Variants in PLXNA4 observed in about 807,000 individuals in gnomAD.
PLXNA4 encodes plexin A4, also known as plexin-A4.
PLXNA4 carries 44 observed loss-of-function variants against 191.8 expected under a neutral mutation model. The ratio of observed to expected loss-of-function variants is 0.23; its 90% CI spans 0.18 to 0.29. The LOEUF (loss-of-function observed/expected upper bound fraction) is 0.29, where lower values mean the gene tolerates loss of function less well. Among genes scored for constraint, PLXNA4 ranks in the 10% least tolerant of loss-of-function variants. PLXNA4 has a pLI of 1.00. For missense variants in PLXNA4, 1,800 were observed against 2,488.8 expected, an observed-to-expected ratio of 0.72 and a Z score of 5.89; for synonymous variants, 1,082 against 1,009.5, an observed-to-expected ratio of 1.07 and a Z score of -1.36.
chr7:132,484,837 A>G (rs1417172391), intron 3 of PLXNA4: 1 of 1,614,074 alleles, frequency 6.2e-7, no homozygotes, highest in Non-Finnish European at 8.5e-7. Flanking sequence ...TCCCAGGTAC[A>G]TTTAGGAAGC....
chr7:132,338,968 C>T (rs1203241139), intron 3 of PLXNA4, among the ~76,000 whole-genome samples: 1 of 152,122 alleles, frequency 6.6e-6, no homozygotes, highest in Non-Finnish European at 1.5e-5. Context: ...GCACTGTTTT[C>T]CATGACAATT....
At chr7:132,181,692 G>A in intron 17 of PLXNA4, 72 bp from the exon 18 acceptor site, 2 of 1,575,368 alleles carry the variant, frequency 1.3e-6, no homozygotes, top group East Asian at 2.3e-5. Flanking sequence ...CACATAGTGG[G>A]CCTCCCTGGA....
At chr7:132,311,193 T>TGTGTGTGTGTGTGTGTGTGTGCGCGC (rs71178034) in intron 3 of PLXNA4, among the ~76,000 whole-genome samples, 20 of 89,904 alleles carry the variant, frequency 2.2e-4, no homozygotes, top group African/African-American at 7.7e-4. Context: ...TGTGTGTGTG[T>TGTGTGTGTGTGTGTGTGTGTGCGCGC]GCGCGTGTGG....
At chr7:132,189,030 AAG>A (rs3085197) in intron 14 of PLXNA4, among the ~76,000 whole-genome samples, 101 of 61,936 alleles carry the variant, frequency 1.6e-3, no homozygotes, top group Non-Finnish European at 2.3e-3. Context: ...GAGAGAGAGA[AAG>A]AGAGAGAGAG....
chr7:132,512,733 A>C (rs1214760818), intron 1 of PLXNA4, among the ~76,000 whole-genome samples: 2 of 152,180 alleles, frequency 1.3e-5, no homozygotes, highest in Non-Finnish European at 2.9e-5. Context: ...GAGCTGTCTA[A>C]GGCTGCTCCA....
chr7:132,308,271 G>T (rs1454253590), intron 3 of PLXNA4, among the ~76,000 whole-genome samples: 1 of 152,142 alleles, frequency 6.6e-6, no homozygotes, highest in Non-Finnish European at 1.5e-5. Context: ...GTGTGCTAAA[G>T]TTACAGGTTT....
chr7:132,161,050 CCTT>C (rs1795934862), intron 24 of PLXNA4, among the ~76,000 whole-genome samples: 1 of 152,200 alleles, frequency 6.6e-6, no homozygotes, highest in East Asian at 1.9e-4. Context: ...GCTCTCCCCT[CCTT>C]CTAAGAGTCT....
chr7:132,146,638 G>A lies in PLXNA4; in HGVS notation c.4927C>T (p.Pro1643Ser), dbSNP rs750385003. ...ATCTTGACTCCACTCTCCAGGTCAG[G>A]AGTGATCATAGGTGTCCGTGAGCGG... ...SLRSRTPMIT[P>S]DLESGVKMWH... Residue 1643 changes from proline (P) to serine (S), a missense_variant, in exon 28 of 32, where the codon CCT (proline) becomes TCT (serine). By Grantham distance (74) the Pro-to-Ser change is moderately conservative. Coordinates refer to ENST00000321063, the MANE Select transcript of PLXNA4 (RefSeq NM_020911.2). 2 of 1,614,200 alleles carry A rather than the reference G, an allele frequency of 1.2e-6. No homozygotes were observed. The highest frequency in any genetic ancestry group is 3.3e-4 in the Middle Eastern group (2 of 6,062).
intron 3 of PLXNA4, chr7:132,366,209 G>C (rs998819638): frequency 1.3e-5 from 2 of 152,130 alleles, no homozygotes; most frequent in Non-Finnish European, 2.9e-5. Flanking sequence ...TGTGCTTTCT[G>C]AGTCTTGATT....
intron 31 of PLXNA4, among the ~76,000 whole-genome samples, chr7:132,131,674 A>C (rs1373014030): frequency 6.6e-6 from 1 of 152,272 alleles, no homozygotes; most frequent in Non-Finnish European, 1.5e-5. Context: ...ACCAAGGTAG[A>C]CAGGTGTACT....
intron 1 of PLXNA4, among the ~76,000 whole-genome samples, chr7:132,540,942 C>T (rs991321701): frequency 2.0e-5 from 3 of 152,030 alleles, no homozygotes; most frequent in Non-Finnish European, 4.4e-5. Context: ...GAAAGGGAGA[C>T]GGAGGTAAGG....
intron 3 of PLXNA4, among the ~76,000 whole-genome samples, chr7:132,455,274 C>T (rs1268736926): frequency 6.6e-6 from 1 of 152,158 alleles, no homozygotes; most frequent in Non-Finnish European, 1.5e-5. Context: ...TGAGACAAAA[C>T]ACGTATTTGC....
At chr7:132,577,939 A>G (rs79268042), upstream of PLXNA4, among the ~76,000 whole-genome samples, 11 of 152,310 alleles carry the variant, frequency 7.2e-5, no homozygotes, top group East Asian at 2.1e-3. Flanking sequence ...ATGAGTGGCC[A>G]GTGCCCCAGA....
At chr7:132,287,397 T>C (rs1800722845) in intron 4 of PLXNA4, among the ~76,000 whole-genome samples, 1 of 152,186 alleles carries the variant, frequency 6.6e-6, no homozygotes, top group Non-Finnish European at 1.5e-5. Context: ...GCTAGGCACT[T>C]TACATATATT....
chr7:132,404,490 G>T (rs113886024), intron 3 of PLXNA4, among the ~76,000 whole-genome samples: 1 of 152,156 alleles, frequency 6.6e-6, no homozygotes, highest in Non-Finnish European at 1.5e-5. Flanking sequence ...CCACTGGGTG[G>T]CAGAACAGGA....
At chr7:132,615,420 C>T (rs73724094) in intron 2 of PLXNA4, among the ~76,000 whole-genome samples, 1 of 152,256 alleles carries the variant, frequency 6.6e-6, no homozygotes, top group African/African-American at 2.4e-5. Flanking sequence ...GGGACGGGGG[C>T]TGGGGCTGCT....
intron 4 of PLXNA4, among the ~76,000 whole-genome samples, chr7:132,277,807 A>G (rs1342864403): frequency 6.6e-6 from 1 of 152,162 alleles, no homozygotes; most frequent in Non-Finnish European, 1.5e-5. Context: ...TAGCATATAT[A>G]TTTTAGACTT....
chr7:132,519,869 C>T (rs182443253), intron 1 of PLXNA4, among the ~76,000 whole-genome samples: 3 of 152,344 alleles, frequency 2.0e-5, no homozygotes. Context: ...TTTCTTGTTG[C>T]CTCAGTTTCC....
rs541854192 is a variant in PLXNA4, at chr7:132,203,224, C to T, written c.2395+99G>A. Reference sequence around the variant, plus strand: ...AGGGAGAGGGACAGCCACTAGGAGGCGGGGGCAGAATGACTCCCGCGAGAA... The same window carrying T: ...AGGGAGAGGGACAGCCACTAGGAGGTGGGGGCAGAATGACTCCCGCGAGAA... On this transcript the variant is annotated intron_variant, in intron 11 of 31. Coordinates refer to ENST00000321063, the MANE Select transcript of PLXNA4 (RefSeq NM_020911.2). The T allele has an allele frequency of 1.1e-4, 114 of 1,077,766 alleles. 1 individual carries two copies. The highest frequency in any genetic ancestry group is 8.0e-4 in the South Asian group (57 of 71,166). The allele number at this position is 1,077,766 out of a possible 1,614,324, so 66.8% of individuals were successfully genotyped here.
Sources: gnomAD v4.1 joint callset for allele counts (sites outside exome capture counted in the v4.1 genomes callset) on GRCh38, gnomAD v4.1.1 for gene constraint, MANE v1.5 for transcripts, NCBI Gene and HGNC (gene_info 2026-07-23, HGNC 2026-07-21) for gene names.